The following PATL2 variants were observed in gnomAD, a reference collection of about 807,000 sequenced individuals.
PATL2 encodes PAT1 homolog 2.
Under a neutral mutation model 77.0 loss-of-function variants are expected in PATL2, and 73 were observed. The ratio of observed to expected loss-of-function variants is 0.95; its 90% CI spans 0.78 to 1.15. The LOEUF (loss-of-function observed/expected upper bound fraction) is 1.15, where lower values mean the gene tolerates loss of function less well. PATL2 is among the 50% of genes most tolerant of loss of function. PATL2 has a pLI of 0.00. For synonymous variants in PATL2, 265 were observed against 257.1 expected, an observed-to-expected ratio of 1.03 and a Z score of -0.29; for missense variants, 618 against 655.4, an observed-to-expected ratio of 0.94 and a Z score of 0.62.
intron 3 of PATL2, among the ~76,000 whole-genome samples, chr15:44,678,022 A>ATT (rs568844524): frequency 1.9e-4 from 28 of 151,256 alleles, no homozygotes; most frequent in African/African-American, 6.6e-4. Context: ...ATATATATAT[A>ATT]TTTTTTTTCA....
At position 44,668,387 on chromosome 15, in the gene PATL2, T is replaced by A. The variant is rs937892467; in HGVS notation, c.1320A>T (p.Pro440=). 1.7e-5 allele frequency: 27 copies of A among 1,551,222 alleles called. No homozygotes were observed. Among genetic ancestry groups the A allele is most frequent in the Non-Finnish European group, 2.4e-5 (27 of 1,146,968 alleles). The change falls in exon 15 of 18, where the codon CCA becomes CCT. Residue 440 remains proline, a synonymous_variant. Transcript: ENST00000682850. ...TGACTGGCCGCTCTGAGGAGCCAGG[T>A]GGCAACAGCGTTAATCCCTGAAGTC... ...LQGLQGLTLL[P]PGSSERPVTV...
In PATL2 at chr15:44,669,052, A is replaced by G. The variant is rs768383292; in HGVS notation, c.1152T>C (p.Asp384=). The change falls in exon 14 of 18, where the codon GAT becomes GAC. Residue 384 remains aspartate, a synonymous_variant. Transcript: ENST00000682850. The part of the protein sequence containing the change: ...VARLLPFLPQ[D]QAVTILLAIT... ...TAGCCAAAAGAATGGTAACAGCCTG[A>G]TCCTGGGGCAGGAAGGGGAGCAGCC... 2.6e-6 allele frequency: 4 copies of G among 1,551,178 alleles called. No homozygotes were observed. In the African/African-American group the frequency reaches 5.5e-5, roughly 21 times the overall value.
chr15:44,671,166 G>A (rs1381837638), intron 9 of PATL2, among the ~76,000 whole-genome samples: 1 of 152,268 alleles, frequency 6.6e-6, no homozygotes, highest in East Asian at 1.9e-4. Context: ...ATGGGGCACT[G>A]GATGGGAGGC....
At chr15:44,671,723 G>GA (rs2141188401) in intron 9 of PATL2, among the ~76,000 whole-genome samples, 1 of 152,324 alleles carries the variant, frequency 6.6e-6, no homozygotes, top group East Asian at 1.9e-4. Context: ...ACACAGGTGG[G>GA]AAAATCCATA....
intron 3 of PATL2, among the ~76,000 whole-genome samples, chr15:44,688,953 A>G (rs775251671): frequency 4.6e-5 from 7 of 152,238 alleles, no homozygotes; most frequent in African/African-American, 9.6e-5. Flanking sequence ...AATGTTTGCA[A>G]TCTATCCATC....
rs2086849019 is a variant in PATL2 at position 44,710,948 on chromosome 15, C to A, written c.-253-19G>T. On this transcript the variant is annotated intron_variant, in intron 1 of 17. Coordinates refer to ENST00000682850, the MANE Select transcript of PATL2 (RefSeq NM_001387263.1). ...CTTTTTCCTGAAGGGATACAAGAAG[C>A]AAGAAAGGTACTCTTTCACTAGGAC... The A allele has an allele frequency of 6.1e-6, 1 of 162,902 alleles. No homozygotes were observed. Among genetic ancestry groups the A allele is most frequent in the Non-Finnish European group, 1.4e-5 (1 of 73,310 alleles). 10.1% of individuals were successfully genotyped at this position (162,902 alleles called of 1,614,324 possible). A position where few individuals can be genotyped will look rare whatever the true frequency, so the allele number is the denominator to read the frequency against.
chr15:44,676,060 C>G (rs1164594639), intron 4 of PATL2: 1 of 318,622 alleles, frequency 3.1e-6, no homozygotes, highest in African/African-American at 2.2e-5. Context: ...CCGGCAGATA[C>G]CAAACACCTT....
At position 44,665,846 on chromosome 15, in the gene PATL2, A is replaced by G. The variant is rs921703329; in HGVS notation, c.*107T>C. 5.4e-5 allele frequency: 84 copies of G among 1,544,934 alleles called. No individual in the cohort carries two copies. The highest frequency in any genetic ancestry group is 7.2e-5 in the Non-Finnish European group (83 of 1,144,936). ...TGGGGAAGGGTTCTCCAATATATAA[A>G]GGCATAAGAAATGTCTTCAGACTCT... On this transcript the variant is annotated 3_prime_UTR_variant, in exon 18 of 18. Coordinates refer to ENST00000682850, the MANE Select transcript of PATL2 (RefSeq NM_001387263.1).
At position 44,669,574 on chromosome 15, in the gene PATL2, G is replaced by A. The variant is rs2141175974; in HGVS notation, c.877-11C>T. The stretch of plus-strand genomic sequence containing the variant: ...TGCAGCTTCTATATCCTAGGAGAAG[G>A]GAGTCACCAGCTATCAGCTACACTG... On this transcript the variant is annotated splice_polypyrimidine_tract_variant and intron_variant, in intron 11 of 17. Transcript: ENST00000682850. 6.5e-7 allele frequency: 1 copy of A among 1,550,338 alleles called. No individual in the cohort carries two copies.
chr15:44,691,971 A>G (rs1166165460), intron 3 of PATL2, among the ~76,000 whole-genome samples: 1 of 152,226 alleles, frequency 6.6e-6, no homozygotes. Flanking sequence ...GAATTATAAT[A>G]GGGAAAAACT....
intron 3 of PATL2, among the ~76,000 whole-genome samples, chr15:44,679,233 A>AT (rs111612498): frequency 0.01 from 1,373 of 134,952 alleles, 12 homozygotes; most frequent in African/African-American, 0.028. Flanking sequence ...TGGCCAATTA[A>AT]TTTTTTTTTT....
intron 3 of PATL2, among the ~76,000 whole-genome samples, chr15:44,687,605 G>A (rs572737965): frequency 6.6e-6 from 1 of 151,428 alleles, no homozygotes; most frequent in Non-Finnish European, 1.5e-5. Context: ...TAGGAAGAGA[G>A]GAAGTCAAAT....
At chr15:44,674,041 A>G (rs1456491116) in intron 6 of PATL2, 109 bp downstream of exon 6, 2 of 1,049,046 alleles carry the variant, frequency 1.9e-6, no homozygotes, top group Non-Finnish European at 2.8e-6. Context: ...CACCTCCCAC[A>G]CCCATACCTC....
chr15:44,666,686 T>G, intron 16 of PATL2, 145 bp from the exon 17 acceptor site: 2 of 820,140 alleles, frequency 2.4e-6, no homozygotes, highest in Non-Finnish European at 3.7e-6. Context: ...GCATGTTTGG[T>G]ACGTGCCAAG....
At chr15:44,705,922 T>C (rs552161197) in intron 3 of PATL2, among the ~76,000 whole-genome samples, 3 of 151,378 alleles carry the variant, frequency 2.0e-5, no homozygotes, top group African/African-American at 7.3e-5. Flanking sequence ...TGCCTCAGCC[T>C]CCTGAGTAGC....
chr15:44,676,812 C>A (rs1481800135), intron 3 of PATL2: 1 of 1,158,852 alleles, frequency 8.6e-7, no homozygotes, highest in Middle Eastern at 3.8e-4. Context: ...TACTTCCCAA[C>A]CGACATCACC....
intron 3 of PATL2, among the ~76,000 whole-genome samples, chr15:44,691,448 A>C (rs1304177859): frequency 6.6e-6 from 1 of 152,188 alleles, no homozygotes; most frequent in Non-Finnish European, 1.5e-5. Flanking sequence ...ACTTGAGGTC[A>C]GGAGTTCGAG....
At chr15:44,672,325 C>G (rs2141192511) in intron 8 of PATL2, 63 bp downstream of exon 8, 4 of 1,530,948 alleles carry the variant, frequency 2.6e-6, no homozygotes, top group Non-Finnish European at 2.7e-6. Flanking sequence ...GACAACTGGT[C>G]ACAAGGGGAG....
At chr15:44,672,283 A>T (rs974897993) in intron 8 of PATL2, 105 bp downstream of exon 8, 48 of 1,524,494 alleles carry the variant, frequency 3.1e-5, no homozygotes, top group Non-Finnish European at 3.8e-5. Context: ...ACAGTATGAG[A>T]GTTTTAACCA....
Sources: allele counts gnomAD v4.1 joint callset (sites outside exome capture counted in the v4.1 genomes callset), GRCh38; gene constraint gnomAD v4.1.1; transcripts MANE v1.5; gene names NCBI Gene and HGNC (gene_info 2026-07-23, HGNC 2026-07-21).